The following UBR1 variants were observed in gnomAD, a reference collection of about 807,000 sequenced individuals.
UBR1 encodes ubiquitin protein ligase E3 component n-recognin 1.
Under a neutral mutation model 242.1 loss-of-function variants are expected in UBR1, and 102 were observed. The observed-to-expected ratio is 0.42, with a 90% CI of 0.36 to 0.50. The LOEUF (loss-of-function observed/expected upper bound fraction) is 0.50, where lower values mean the gene tolerates loss of function less well. Among genes scored for constraint, UBR1 ranks in the 20% least tolerant of loss-of-function variants. The pLI is 0.01. For missense variants in UBR1, 1,772 were observed against 2,101.8 expected (o/e 0.84, Z 3.07); for synonymous variants, 675 against 684.8 (o/e 0.99, Z 0.22).
intron 1 of UBR1, among the ~76,000 whole-genome samples, chr15:43,089,442 C>T (rs1252978667): frequency 6.6e-6 from 1 of 152,084 alleles, no homozygotes; most frequent in Non-Finnish European, 1.5e-5. Flanking sequence ...TTGCAGTAAG[C>T]TGAGATTGCG....
chr15:42,969,660 C>A (rs759189121), intron 40 of UBR1, among the ~76,000 whole-genome samples: 6 of 152,240 alleles, frequency 3.9e-5, no homozygotes, highest in South Asian at 4.1e-4. Context: ...TCTCAGGATA[C>A]AAAATCAATG....
intron 34 of UBR1, among the ~76,000 whole-genome samples, chr15:42,989,754 T>C (rs996499466): frequency 2.0e-5 from 3 of 152,166 alleles, no homozygotes; most frequent in African/African-American, 4.8e-5. Context: ...CCAGACAGAA[T>C]TGGCATTTTT....
At chr15:42,970,461 A>C in intron 40 of UBR1, 59 bp downstream of exon 40, 1 of 1,537,246 alleles carries the variant, frequency 6.5e-7, no homozygotes, top group South Asian at 1.1e-5. Context: ...TACGTTGCCA[A>C]ACAACTGAAC....
chr15:42,998,276 A>T lies in UBR1; in HGVS notation c.3660-11T>A. 6.2e-7 allele frequency: 1 copy of T among 1,609,304 alleles called. No homozygotes were observed. Among genetic ancestry groups the T allele is most frequent in the Non-Finnish European group, 8.5e-7 (1 of 1,175,798 alleles). On this transcript the variant is annotated splice_polypyrimidine_tract_variant and intron_variant, in intron 32 of 46. Transcript: ENST00000290650. ...GCATCTGCATTCTCACTGAAAAATG[A>T]TATTTAAAAATTATTACAACCATGG...
rs754286947 is a variant in UBR1 at position 43,056,446 on chromosome 15, A to G, written c.1183-4T>C. ...CTTTCTGCAGTTGTTTATAATACTG[A>G]AATATATAAGTAGAGAATCAATTAT... On this transcript the variant is annotated splice_region_variant and splice_polypyrimidine_tract_variant and intron_variant, in intron 10 of 46. Coordinates refer to ENST00000290650, the MANE Select transcript of UBR1 (RefSeq NM_174916.3). 1 of 1,574,784 alleles carries G rather than the reference A, an allele frequency of 6.4e-7. No individual in the cohort carries two copies. The highest frequency in any genetic ancestry group is 1.3e-5 in the African/African-American group (1 of 74,152).
intron 3 of UBR1, among the ~76,000 whole-genome samples, chr15:43,077,252 C>T (rs191198733): frequency 0.016 from 2,410 of 152,058 alleles, 32 homozygotes; most frequent in South Asian, 0.026. Flanking sequence ...GGATGGTTGC[C>T]GGGTCTGTGT....
intron 27 of UBR1, among the ~76,000 whole-genome samples, chr15:43,017,977 A>AGACATTTC (rs1392805241): frequency 6.6e-6 from 1 of 151,318 alleles, no homozygotes; most frequent in Non-Finnish European, 1.5e-5. Flanking sequence ...TTATCTTCGG[A>AGACATTTC]GACATTTCGA....
intron 40 of UBR1, among the ~76,000 whole-genome samples, chr15:42,970,029 T>C (rs1157502038): frequency 2.6e-5 from 4 of 152,214 alleles, no homozygotes; most frequent in African/African-American, 9.6e-5. Context: ...AGAGCCCGTA[T>C]AGCCAAGACA....
intron 1 of UBR1, among the ~76,000 whole-genome samples, chr15:43,094,781 G>A (rs1481331268): frequency 1.3e-5 from 2 of 152,138 alleles, no homozygotes; most frequent in African/African-American, 4.8e-5. Context: ...CCAGCCTTGT[G>A]CTGTCTGTAA....
At chr15:42,969,245 G>A (rs988962141) in intron 40 of UBR1, among the ~76,000 whole-genome samples, 5 of 152,182 alleles carry the variant, frequency 3.3e-5, no homozygotes, top group Non-Finnish European at 7.3e-5. Flanking sequence ...TTGTGCTTTT[G>A]AGTTGCATTT....
At chr15:42,993,813 G>T (rs1243797906) in intron 33 of UBR1, among the ~76,000 whole-genome samples, 2 of 151,910 alleles carry the variant, frequency 1.3e-5, no homozygotes, top group African/African-American at 4.8e-5. Flanking sequence ...ACTCCAGCCT[G>T]GGGGGCAGAG....
At chr15:43,079,301 G>C (rs1265558141) in intron 3 of UBR1, among the ~76,000 whole-genome samples, 3 of 151,716 alleles carry the variant, frequency 2.0e-5, no homozygotes, top group Admixed American at 2.0e-4. Flanking sequence ...CCTCGTCTCG[G>C]TTAAAAAAAA....
In UBR1 at chr15:43,105,349, A is replaced by G. The variant is rs901432164; in HGVS notation, c.81+593T>C. On this transcript the variant is annotated intron_variant, in intron 1 of 46. Coordinates refer to ENST00000290650, the MANE Select transcript of UBR1 (RefSeq NM_174916.3). The stretch of plus-strand genomic sequence containing the variant: ...AGAGCAAAGTATAGATTCCGACATC[A>G]ATTAATGGTATTGCTCTGGCTTGAA... Among the ~76,000 whole-genome samples, 5 of 152,176 alleles carry G rather than the reference A, an allele frequency of 3.3e-5. No individual in the cohort carries two copies. The East Asian group carries it at 9.6e-4, about 29-fold the overall frequency.
chr15:42,999,280 C>T (rs1384828164), intron 32 of UBR1, among the ~76,000 whole-genome samples: 1 of 152,134 alleles, frequency 6.6e-6, no homozygotes, highest in Non-Finnish European at 1.5e-5. Flanking sequence ...GAATTTTTTT[C>T]TCCCAGAGAA....
intron 1 of UBR1, among the ~76,000 whole-genome samples, chr15:43,102,089 G>A (rs983011196): frequency 4.0e-5 from 6 of 151,338 alleles, no homozygotes; most frequent in African/African-American, 9.7e-5. Flanking sequence ...GCAATGAGCC[G>A]AGATCATACC....
chr15:43,062,885 C>A (rs1194409372), intron 6 of UBR1, among the ~76,000 whole-genome samples: 1 of 151,888 alleles, frequency 6.6e-6, no homozygotes, highest in Non-Finnish European at 1.5e-5. Context: ...TAGGCTTGGG[C>A]TGGCATGTCT....
At chr15:43,010,062 C>T (rs1291775105) in intron 29 of UBR1, among the ~76,000 whole-genome samples, 5 of 152,114 alleles carry the variant, frequency 3.3e-5, no homozygotes, top group East Asian at 3.9e-4. Context: ...TTAGTAGAGA[C>T]GGAGTTTCAC....
Position 43,037,835 on chromosome 15 carries a change from C to T in UBR1, c.1960G>A (p.Val654Met). The change falls in exon 17 of 47, where the codon GTG becomes ATG. Residue 654 changes from valine to methionine, a missense_variant. This residue lies in a region of UBR1 where 734 missense variants were observed against 893.3 expected (regional missense o/e 0.82). Coordinates refer to ENST00000290650, the MANE Select transcript of UBR1 (RefSeq NM_174916.3). ...TCAGCAACAACCTGGGCAACCAACA[C>T]CAGACAACGTAAAGGATATTCCACT... is the stretch of plus-strand genomic sequence containing the variant. ...VLVEYPLRCL[V>M]LVAQVVAEMW... 1.2e-6 allele frequency: 2 copies of T among 1,614,118 alleles called. No homozygotes were observed. The highest frequency in any genetic ancestry group is 1.7e-6 in the Non-Finnish European group (2 of 1,180,012).
intron 37 of UBR1, among the ~76,000 whole-genome samples, chr15:42,982,147 T>C (rs1316777918): frequency 1.3e-5 from 2 of 152,210 alleles, no homozygotes; most frequent in African/African-American, 4.8e-5. Flanking sequence ...GCTGGGATTA[T>C]AAGTGTGTGT....
Sources: gnomAD v4.1 joint callset for allele counts (sites outside exome capture counted in the v4.1 genomes callset) on GRCh38, gnomAD v4.1.1 for gene constraint, gnomAD v4.1.1 regional missense constraint, MANE v1.5 for transcripts, NCBI Gene and HGNC (gene_info 2026-07-23, HGNC 2026-07-21) for gene names.